The following SYT16 variants were observed in gnomAD, a reference collection of about 807,000 sequenced individuals.
SYT16 encodes the protein synaptotagmin-16.
In SYT16, 42 loss-of-function variants were observed where a neutral mutation model predicts 61.4. The ratio of observed to expected loss-of-function variants is 0.68; its 90% CI spans 0.53 to 0.89. The LOEUF (loss-of-function observed/expected upper bound fraction) is 0.89, where lower values mean the gene tolerates loss of function less well. SYT16 is among the 40% of genes least tolerant of loss of function. SYT16 has a pLI of 0.00. For missense variants in SYT16, 804 were observed against 807.3 expected, an observed-to-expected ratio of 1.00 and a Z score of 0.05; for synonymous variants, 314 against 302.3, an observed-to-expected ratio of 1.04 and a Z score of -0.40.
intron 3 of SYT16, among the ~76,000 whole-genome samples, chr14:62,055,011 T>G (rs2055484826): frequency 6.6e-6 from 1 of 152,200 alleles, no homozygotes; most frequent in Non-Finnish European, 1.5e-5. Context: ...ATCTTTCTAG[T>G]CAGAGAATTT....
intron 2 of SYT16, among the ~76,000 whole-genome samples, chr14:61,975,343 T>A (rs893565727): frequency 1.3e-5 from 2 of 152,182 alleles, no homozygotes; most frequent in Non-Finnish European, 1.5e-5. Flanking sequence ...AAACATTGCC[T>A]GACCCCAGTG....
chr14:61,822,238 C>G (rs8020845), intron 1 of SYT16, among the ~76,000 whole-genome samples: 2,206 of 152,300 alleles, frequency 0.014, 56 homozygotes, highest in African/African-American at 0.047. Flanking sequence ...CCTGGAGTCT[C>G]ACGTCCAAGG....
chr14:62,094,723 G>T (rs1301491945), intron 7 of SYT16, among the ~76,000 whole-genome samples: 1 of 151,962 alleles, frequency 6.6e-6, no homozygotes, highest in Admixed American at 6.6e-5. Context: ...AAGTTATTAT[G>T]GGATTTAAAC....
In SYT16 at chr14:61,869,315, C is replaced by G. The variant is rs148245046; in HGVS notation, c.-325+56505C>G. On this transcript the variant is annotated intron_variant, in intron 1 of 7. Transcript: ENST00000683842. ...ATTTTATTATTTGTTTTCTATTTGT[C>G]TTACCGTCTTTATTCTTTTTGCTTT... Among the ~76,000 whole-genome samples, 310 of 152,010 alleles carry G rather than the reference C, an allele frequency of 2.0e-3. 3 individuals carry two copies. Among genetic ancestry groups the G allele is most frequent in the Admixed American group, 8.3e-3 (127 of 15,268 alleles).
At chr14:61,903,264 C>CT (rs57869503) in intron 1 of SYT16, among the ~76,000 whole-genome samples, 3,813 of 144,288 alleles carry the variant, frequency 0.026, 131 homozygotes, top group African/African-American at 0.081. Flanking sequence ...TTCATTATGT[C>CT]TTTTTTTTTT....
intron 2 of SYT16, among the ~76,000 whole-genome samples, chr14:61,976,904 C>T (rs117687581): frequency 6.6e-6 from 1 of 151,936 alleles, no homozygotes; most frequent in African/African-American, 2.4e-5. Context: ...TCAGGATGCA[C>T]ATTTTCCAAG....
chr14:62,012,597 C>T (rs1423083305), intron 3 of SYT16, among the ~76,000 whole-genome samples: 4 of 152,126 alleles, frequency 2.6e-5, no homozygotes, highest in Admixed American at 6.5e-5. Context: ...TCAGGGGGGA[C>T]TACTTTAGCA....
intron 3 of SYT16, among the ~76,000 whole-genome samples, chr14:62,058,754 G>C (rs185544146): frequency 6.6e-6 from 1 of 152,176 alleles, no homozygotes; most frequent in East Asian, 1.9e-4. Context: ...CAGATGCTTT[G>C]CTTCCTTGAC....
At chr14:61,923,039 A>G (rs2049396518) in intron 1 of SYT16, among the ~76,000 whole-genome samples, 1 of 141,580 alleles carries the variant, frequency 7.1e-6, no homozygotes, top group Non-Finnish European at 1.5e-5. Flanking sequence ...ACAGGGCAAG[A>G]CTCTGTCTCA....
intron 1 of SYT16, among the ~76,000 whole-genome samples, chr14:61,846,228 C>T (rs976188000): frequency 1.3e-5 from 2 of 152,050 alleles, no homozygotes; most frequent in Admixed American, 1.3e-4. Flanking sequence ...GAAGATCTGT[C>T]CAATATTGAA....
At chr14:61,973,255 C>T (rs1459819364) in intron 2 of SYT16, among the ~76,000 whole-genome samples, 1 of 152,094 alleles carries the variant, frequency 6.6e-6, no homozygotes, top group African/African-American at 2.4e-5. Flanking sequence ...AGAATTTACA[C>T]ATGCCATTCT....
chr14:62,109,225 G>A lies in SYT16; in HGVS notation c.*8518G>A, dbSNP rs1266670195. 6.6e-6 allele frequency: 1 copy of A among 150,744 alleles called. No individual in the cohort carries two copies. The highest frequency in any genetic ancestry group is 6.6e-5 in the Admixed American group (1 of 15,162). The allele number at this position is 150,744 out of a possible 1,614,324, so 9.3% of individuals were successfully genotyped here. A position where few individuals can be genotyped will look rare whatever the true frequency, so the allele number is the denominator to read the frequency against. ...TAAGCCCTGGCATCCACTGGTCCTT[G>A]TACTGTCCCCAGAGTTTTGCCTTTT... On this transcript the variant is annotated 3_prime_UTR_variant, in exon 8 of 8. Transcript: ENST00000683842.
intron 1 of SYT16, among the ~76,000 whole-genome samples, chr14:61,922,209 T>C (rs996574732): frequency 1.1e-4 from 16 of 152,136 alleles, no homozygotes; most frequent in African/African-American, 3.9e-4. Context: ...TAGAAATCAT[T>C]CTACCATAAA....
chr14:61,882,414 C>T (rs771842692), intron 1 of SYT16, among the ~76,000 whole-genome samples: 1 of 152,124 alleles, frequency 6.6e-6, no homozygotes, highest in Admixed American at 6.5e-5. Context: ...AGGAGAAATG[C>T]CAGATGCTTA....
chr14:61,954,308 C>CTTT (rs35213867), intron 1 of SYT16, among the ~76,000 whole-genome samples: 4 of 138,158 alleles, frequency 2.9e-5, no homozygotes, highest in African/African-American at 7.9e-5. Context: ...ATTGGTTAGC[C>CTTT]TTTTTTTTTT....
chr14:61,865,906 AG>A (rs2047137054), intron 1 of SYT16, among the ~76,000 whole-genome samples: 1 of 152,222 alleles, frequency 6.6e-6, no homozygotes, highest in South Asian at 2.1e-4. Context: ...ATTAAGGTGC[AG>A]TAAACTTAGT....
intron 1 of SYT16, among the ~76,000 whole-genome samples, chr14:61,948,794 G>A (rs1325873261): frequency 6.6e-6 from 1 of 152,172 alleles, no homozygotes; most frequent in African/African-American, 2.4e-5. Flanking sequence ...GAGGTGAGTA[G>A]AGAGGTGGAA....
intron 3 of SYT16, among the ~76,000 whole-genome samples, chr14:62,065,728 G>T (rs183196583): frequency 1.3e-5 from 2 of 152,252 alleles, no homozygotes; most frequent in East Asian, 3.9e-4. Context: ...ATCTCCCCAG[G>T]TGCTTAGCTG....
chr14:61,912,350 C>T (rs530265219), intron 1 of SYT16, among the ~76,000 whole-genome samples: 34 of 152,300 alleles, frequency 2.2e-4, no homozygotes, highest in Non-Finnish European at 3.7e-4. Flanking sequence ...ACTCTGACAG[C>T]GTTTCACACA....
Sources: allele counts gnomAD v4.1 joint callset (sites outside exome capture counted in the v4.1 genomes callset), GRCh38; gene constraint gnomAD v4.1.1; transcripts MANE v1.5; gene names NCBI Gene and HGNC (gene_info 2026-07-23, HGNC 2026-07-21).